HOMER2: variants seen among roughly 807,000 people sequenced by gnomAD.
HOMER2 encodes homer scaffold protein 2.
In HOMER2, 27 loss-of-function variants were observed where a neutral mutation model predicts 47.0. That is an observed-to-expected ratio of 0.57 (90% confidence interval 0.42 to 0.79). The LOEUF is 0.79. Ranked by LOEUF, HOMER2 falls within the 30% of genes least tolerant of loss-of-function variation. The probability of loss-of-function intolerance (pLI) is 0.00; values close to 1 mark genes in which losing one functional copy is unlikely to be tolerated. For missense variants in HOMER2, 443 were observed against 435.0 expected, an observed-to-expected ratio of 1.02 and a Z score of -0.16; for synonymous variants, 161 against 163.8, an observed-to-expected ratio of 0.98 and a Z score of 0.13.
intron 1 of HOMER2, among the ~76,000 whole-genome samples, chr15:82,917,021 C>T (rs1460538208): frequency 6.6e-6 from 1 of 152,024 alleles, no homozygotes; most frequent in South Asian, 2.1e-4. Context: ...AGGATGGCCT[C>T]GATCTCTTGA....
chr15:82,942,687 G>A (rs1386712132), intron 1 of HOMER2, among the ~76,000 whole-genome samples: 2 of 152,204 alleles, frequency 1.3e-5, no homozygotes, highest in African/African-American at 4.8e-5. Context: ...ACAATGGGGA[G>A]AAACCACTTA....
rs2151155841 is a variant in HOMER2, at chr15:82,913,992, T to C, written c.6-21151A>G. 6.6e-6 allele frequency among the ~76,000 whole-genome samples: 1 copy of C among 151,988 alleles called. No homozygotes were observed. On this transcript the variant is annotated intron_variant, in intron 1 of 8. Transcript: ENST00000450735. This position sits in a 1 kb window ranked among gnomAD's most constrained non-coding sequence, Gnocchi z 4.1. ...AAACGACCCAAAGTCTATCAACAGA[T>C]AAATGGATAAACAAAATGTGGCATA...
At chr15:82,928,349 G>A (rs564641732) in intron 1 of HOMER2, among the ~76,000 whole-genome samples, 54 of 152,242 alleles carry the variant, frequency 3.5e-4, no homozygotes, top group Non-Finnish European at 5.0e-4. Flanking sequence ...TTCTGTTTCC[G>A]CCATGCAAAT....
At chr15:82,960,934 T>C (rs2054625869) in intron 1 of HOMER2, among the ~76,000 whole-genome samples, 1 of 152,218 alleles carries the variant, frequency 6.6e-6, no homozygotes, top group Non-Finnish European at 1.5e-5. Flanking sequence ...TTAGACTTTG[T>C]CTGTTCCACA....
At chr15:82,878,754 A>C (rs2052432157) in intron 2 of HOMER2, among the ~76,000 whole-genome samples, 1 of 152,152 alleles carries the variant, frequency 6.6e-6, no homozygotes, top group South Asian at 2.1e-4. Context: ...CAGCCTCCCA[A>C]GTAGCTGGGA....
intron 1 of HOMER2, among the ~76,000 whole-genome samples, chr15:82,904,331 A>G (rs2053223865): frequency 6.6e-6 from 1 of 152,142 alleles, no homozygotes; most frequent in Non-Finnish European, 1.5e-5. Context: ...CCTGAACTAC[A>G]ATTGGGGAAT....
At chr15:82,929,426 C>T (rs1175909196) in intron 1 of HOMER2, among the ~76,000 whole-genome samples, 1 of 151,880 alleles carries the variant, frequency 6.6e-6, no homozygotes, top group Admixed American at 6.6e-5. Flanking sequence ...GAGGTCAAGG[C>T]GGGTGGAACA....
At chr15:82,892,163 C>T (rs2052730014) in intron 2 of HOMER2, among the ~76,000 whole-genome samples, 1 of 152,038 alleles carries the variant, frequency 6.6e-6, no homozygotes, top group Admixed American at 6.6e-5. Context: ...CACCAAAACC[C>T]GACTAGATAC....
intron 1 of HOMER2, among the ~76,000 whole-genome samples, chr15:82,969,467 A>T (rs1166070821): frequency 2.0e-5 from 3 of 152,192 alleles, no homozygotes; most frequent in African/African-American, 7.2e-5. Context: ...ACTTCTGTTC[A>T]TAAGTCCCTA....
At chr15:82,936,752 T>C (rs954892534) in intron 1 of HOMER2, among the ~76,000 whole-genome samples, 7 of 151,924 alleles carry the variant, frequency 4.6e-5, no homozygotes, top group African/African-American at 1.7e-4. Flanking sequence ...TTTGTATTTT[T>C]TTTTTTTTGA....
rs1234850147 is a variant in HOMER2 at position 82,952,575 on chromosome 15, C to A, written c.-40G>T. The A allele has an allele frequency of 1.7e-6, 2 of 1,161,398 alleles. No homozygotes were observed. Among genetic ancestry groups the A allele is most frequent in the Non-Finnish European group, 1.1e-6 (1 of 942,980 alleles). 71.9% of individuals were successfully genotyped at this position (1,161,398 alleles called of 1,614,324 possible). On this transcript the variant is annotated 5_prime_UTR_variant, in exon 1 of 9. Transcript: ENST00000450735. ...CGGCGGCCGCTCCGACGGGGCCTCTCGCGCTCGCTCTCCGCCCGCTCGGCA... is the reference window on the plus strand; with the variant it reads ...CGGCGGCCGCTCCGACGGGGCCTCTAGCGCTCGCTCTCCGCCCGCTCGGCA...
chr15:82,986,000 G>A (rs116454962), upstream of HOMER2: 1,937 of 919,564 alleles, frequency 2.1e-3, 28 homozygotes, highest in African/African-American at 0.033. Flanking sequence ...AGACGGCGAC[G>A]TTTTCGACTG....
intron 4 of HOMER2, among the ~76,000 whole-genome samples, chr15:82,859,629 A>G (rs528431399): frequency 1.3e-5 from 2 of 152,276 alleles, no homozygotes; most frequent in South Asian, 4.1e-4. Context: ...GAGTTAGATC[A>G]ACACATTCAT....
intron 3 of HOMER2, among the ~76,000 whole-genome samples, chr15:82,873,615 G>A (rs1274658598): frequency 6.6e-6 from 1 of 152,200 alleles, no homozygotes; most frequent in East Asian, 1.9e-4. Context: ...ACCTGCCCTC[G>A]AGATTTTTGC....
At chr15:82,853,678 C>G (rs956446805) in intron 6 of HOMER2, among the ~76,000 whole-genome samples, 4 of 152,176 alleles carry the variant, frequency 2.6e-5, no homozygotes, top group African/African-American at 9.7e-5. Flanking sequence ...AGCAGAGAAA[C>G]CTCAAGACCT....
At chr15:82,945,777 T>C (rs909290578) in intron 1 of HOMER2, among the ~76,000 whole-genome samples, 7 of 152,248 alleles carry the variant, frequency 4.6e-5, no homozygotes, top group Middle Eastern at 3.4e-3. Context: ...GAGACCATCC[T>C]GGCTAACAAG....
intron 1 of HOMER2, among the ~76,000 whole-genome samples, chr15:82,967,582 C>T (rs2054686046): frequency 6.6e-6 from 1 of 152,118 alleles, no homozygotes; most frequent in Non-Finnish European, 1.5e-5. Context: ...CCATTAAAAA[C>T]TCCACAAAGC....
At chr15:82,960,694 C>G (rs2054623597) in intron 1 of HOMER2, among the ~76,000 whole-genome samples, 1 of 152,190 alleles carries the variant, frequency 6.6e-6, no homozygotes. Context: ...ATGCGCCAGC[C>G]TAGCTACAGA....
intron 1 of HOMER2, among the ~76,000 whole-genome samples, chr15:82,944,281 G>C (rs576504469): frequency 3.9e-5 from 6 of 152,304 alleles, no homozygotes; most frequent in Non-Finnish European, 7.3e-5. Context: ...ACTGGATCAT[G>C]ATGCCAGCTC....
Sources: allele counts gnomAD v4.1 joint callset (sites outside exome capture counted in the v4.1 genomes callset), GRCh38; gene constraint gnomAD v4.1.1; non-coding constraint Gnocchi (gnomAD v3.1); transcripts MANE v1.5; gene names NCBI Gene and HGNC (gene_info 2026-07-23, HGNC 2026-07-21).